DPP6: variants seen among roughly 807,000 people sequenced by gnomAD.
The protein encoded by DPP6 is A-type potassium channel modulatory protein DPP6.
A neutral mutation model predicts 122.6 loss-of-function variants in DPP6; 69 were observed. The observed-to-expected ratio is 0.56, with a 90% CI of 0.46 to 0.69. The LOEUF is 0.69. Among genes scored for constraint, DPP6 ranks in the 30% least tolerant of loss-of-function variants. The pLI, the probability that DPP6 is intolerant of heterozygous loss-of-function variation, is 0.00. For synonymous variants in DPP6, 418 were observed against 433.1 expected (o/e 0.97, Z 0.43); for missense variants, 928 against 1,116.9 (o/e 0.83, Z 2.41).
chr7:154,574,747 G>C (rs1348638799), intron 5 of DPP6, among the ~76,000 whole-genome samples: 103 of 132,522 alleles, frequency 7.8e-4, no homozygotes, highest in Non-Finnish European at 9.0e-4. Context: ...GTGTGTGTAT[G>C]TGTGTTGTGT....
At chr7:154,071,043 GT>G (rs935989854) in intron 1 of DPP6, among the ~76,000 whole-genome samples, 1 of 152,046 alleles carries the variant, frequency 6.6e-6, no homozygotes, top group African/African-American at 2.4e-5. Context: ...TATTTTATTT[GT>G]TTTTTGCTGA....
At chr7:154,495,114 G>T (rs1824617037) in intron 3 of DPP6, among the ~76,000 whole-genome samples, 1 of 152,158 alleles carries the variant, frequency 6.6e-6, no homozygotes, top group Non-Finnish European at 1.5e-5. Flanking sequence ...CAGGTAAAAA[G>T]GTTTAGGAAA....
intron 4 of DPP6, among the ~76,000 whole-genome samples, chr7:154,558,011 G>A (rs1437503038): frequency 4.6e-5 from 7 of 151,798 alleles, no homozygotes; most frequent in South Asian, 4.2e-4. Context: ...GGTTTGTTAC[G>A]TAGGTATACA....
At chr7:154,752,486 G>A (rs901756877) in intron 8 of DPP6, among the ~76,000 whole-genome samples, 1 of 152,152 alleles carries the variant, frequency 6.6e-6, no homozygotes, top group African/African-American at 2.4e-5. Flanking sequence ...AGTCTCTTCT[G>A]CATTTTGTAT....
chr7:154,534,803 T>C (rs940489075), intron 3 of DPP6, among the ~76,000 whole-genome samples: 2 of 152,178 alleles, frequency 1.3e-5, no homozygotes, highest in Non-Finnish European at 2.9e-5. Context: ...GATTGAATTA[T>C]AGATTCAATG....
chr7:153,956,154 C>G (rs563249353), intron 1 of DPP6, among the ~76,000 whole-genome samples: 3 of 152,106 alleles, frequency 2.0e-5, no homozygotes, highest in Non-Finnish European at 4.4e-5. Flanking sequence ...GTGAAGTTGA[C>G]GAACACTTCG....
chr7:153,964,999 TCTTC>T (rs1209264469), intron 1 of DPP6, among the ~76,000 whole-genome samples: 4,633 of 62,392 alleles, frequency 0.074, 213 homozygotes, highest in African/African-American at 0.099. Flanking sequence ...TTCCTTCCTT[TCTTC>T]CTTCCTTCCT....
At chr7:154,222,954 C>A (rs1800390708) in intron 1 of DPP6, among the ~76,000 whole-genome samples, 1 of 148,874 alleles carries the variant, frequency 6.7e-6, no homozygotes, top group Admixed American at 6.6e-5. Context: ...GACCCTGACA[C>A]CCCTTCCGTA....
intron 1 of DPP6, among the ~76,000 whole-genome samples, chr7:154,162,266 C>G (rs187376827): frequency 1.9e-4 from 29 of 152,164 alleles, no homozygotes; most frequent in African/African-American, 6.5e-4. Flanking sequence ...AACTGAGATT[C>G]ACCATACAAG....
chr7:154,181,314 A>G (rs1011058633), intron 1 of DPP6, among the ~76,000 whole-genome samples: 1 of 152,196 alleles, frequency 6.6e-6, no homozygotes, highest in African/African-American at 2.4e-5. Context: ...ACTACTGTCC[A>G]GAGAGTGGTG....
At chr7:154,294,140 T>TA (rs1164625410) in intron 1 of DPP6, among the ~76,000 whole-genome samples, 1 of 152,186 alleles carries the variant, frequency 6.6e-6, no homozygotes, top group Non-Finnish European at 1.5e-5. Context: ...CCCTTTATCT[T>TA]ACCTGGTCCC....
chr7:154,503,761 CTT>C (rs1209446355), intron 3 of DPP6, among the ~76,000 whole-genome samples: 1 of 152,098 alleles, frequency 6.6e-6, no homozygotes, highest in Admixed American at 6.6e-5. Flanking sequence ...GTTTTTGAGA[CTT>C]AAAGAATTGA....
At position 154,846,380 on chromosome 7, in the gene DPP6, A is replaced by G. The variant is rs1801948175; in HGVS notation, c.1667-7400A>G. ...CTCAGCCTGTTCCAGATGAAGGCTG[A>G]CCTTTCAACCAGGATCCTAGAAAGA... On this transcript the variant is annotated intron_variant, in intron 16 of 25. Transcript: ENST00000377770. Among the ~76,000 whole-genome samples the G allele has an allele frequency of 2.6e-5, 4 of 152,174 alleles. No homozygotes were observed. The South Asian group carries it at 6.2e-4, about 24-fold the overall frequency.
upstream of DPP6, among the ~76,000 whole-genome samples, chr7:153,883,569 G>A (rs1191993094): frequency 1.3e-5 from 2 of 152,192 alleles, no homozygotes; most frequent in African/African-American, 4.8e-5. Flanking sequence ...TAGTAGAGAC[G>A]GGATTTTACC....
chr7:154,793,992 C>T (rs992425827), intron 10 of DPP6, 87 bp from the exon 11 acceptor site: 16 of 1,519,652 alleles, frequency 1.1e-5, no homozygotes, highest in East Asian at 2.4e-5. Context: ...GCTCCCGTGT[C>T]GTGTCCAGGG....
the DPP6 span, among the ~76,000 whole-genome samples, chr7:153,823,635 T>C: frequency 2.0e-5 from 3 of 147,808 alleles, no homozygotes; most frequent in East Asian, 4.0e-4. Flanking sequence ...ACGGATATAC[T>C]CCCCGGGGAT....
At chr7:153,832,583 T>C in the DPP6 span, among the ~76,000 whole-genome samples, 1 of 152,258 alleles carries the variant, frequency 6.6e-6, no homozygotes, top group African/African-American at 2.4e-5. Flanking sequence ...TGCCAAGGAC[T>C]TAGATACATC....
intron 1 of DPP6, among the ~76,000 whole-genome samples, chr7:154,108,116 G>T (rs572840012): frequency 6.6e-6 from 1 of 152,250 alleles, no homozygotes; most frequent in Non-Finnish European, 1.5e-5. Flanking sequence ...TCTTTTCTCA[G>T]CTGGCTTCTG....
rs1411861317 is a variant in DPP6, at chr7:154,577,217, C to T, written c.627+10301C>T. 3.9e-5 allele frequency among the ~76,000 whole-genome samples: 6 copies of T among 151,948 alleles called. No homozygotes were observed. The South Asian group carries it at 6.2e-4, about 16-fold the overall frequency. On this transcript the variant is annotated intron_variant, in intron 5 of 25. Coordinates refer to ENST00000377770, the MANE Select transcript of DPP6 (RefSeq NM_130797.4). ...CACAGGAGGAGGAGGAGGAAAGATT[C>T]GGGGAGGGTCGTGGGGAAGGACCCC...
Sources: allele counts gnomAD v4.1 joint callset (sites outside exome capture counted in the v4.1 genomes callset), GRCh38; gene constraint gnomAD v4.1.1; transcripts MANE v1.5; gene names NCBI Gene and HGNC (gene_info 2026-07-23, HGNC 2026-07-21).